DIAPH2: variants seen among roughly 807,000 people sequenced by gnomAD.
DIAPH2 encodes diaphanous related formin 2.
DIAPH2 carries 35 observed loss-of-function variants against 92.7 expected under a neutral mutation model. The ratio of observed to expected loss-of-function variants is 0.38; its 90% CI spans 0.29 to 0.50. DIAPH2 has a LOEUF of 0.50. Among genes scored for constraint, DIAPH2 ranks in the 20% least tolerant of loss-of-function variants. The pLI is 0.94. For missense variants in DIAPH2, 701 were observed against 819.5 expected (o/e 0.86, Z 1.77); for synonymous variants, 301 against 280.4 (o/e 1.07, Z -0.73).
At chrX:97,165,524 C>T (rs948862288) in intron 22 of DIAPH2, among the ~76,000 whole-genome samples, 1 of 111,116 alleles carries the variant, frequency 9.0e-6, no homozygotes, top group African/African-American at 3.3e-5. Flanking sequence ...GACAGAGTCT[C>T]GCTCTGTCAC....
chrX:96,958,621 C>G (rs1423264044), intron 16 of DIAPH2, among the ~76,000 whole-genome samples: 1 of 111,425 alleles, frequency 9.0e-6, no homozygotes, highest in Non-Finnish European at 1.9e-5. Flanking sequence ...AAATATACAA[C>G]ATATTGTTAA....
intron 26 of DIAPH2, among the ~76,000 whole-genome samples, chrX:97,595,083 A>G (rs1228358088): frequency 8.9e-6 from 1 of 112,045 alleles, no homozygotes; most frequent in Non-Finnish European, 1.9e-5. Flanking sequence ...CCTCCAGTCT[A>G]TCTCATGTCA....
At chrX:96,758,851 A>G (rs2064249029) in intron 4 of DIAPH2, among the ~76,000 whole-genome samples, 1 of 111,498 alleles carries the variant, frequency 9.0e-6, no homozygotes, top group South Asian at 3.7e-4. Flanking sequence ...AAGTTCATTG[A>G]AAGGACTTGT....
At chrX:97,397,567 G>A (rs999408522) in intron 25 of DIAPH2, among the ~76,000 whole-genome samples, 2 of 111,971 alleles carry the variant, frequency 1.8e-5, no homozygotes, top group African/African-American at 6.5e-5. Context: ...TTACATCCGT[G>A]TGGTTCTGTG....
intron 24 of DIAPH2, among the ~76,000 whole-genome samples, chrX:97,374,956 A>G (rs1033516650): frequency 8.9e-6 from 1 of 111,916 alleles, no homozygotes; most frequent in African/African-American, 3.3e-5. Flanking sequence ...TGATGTGATC[A>G]TTCTCAAATG....
intron 24 of DIAPH2, among the ~76,000 whole-genome samples, chrX:97,353,093 C>T (rs967102726): frequency 1.0e-4 from 11 of 109,622 alleles, no homozygotes; most frequent in Non-Finnish European, 1.9e-4. Context: ...TCTGACTTGA[C>T]GACTGTGCAA....
chrX:97,299,605 A>G (rs2068676788), intron 23 of DIAPH2, among the ~76,000 whole-genome samples: 1 of 112,357 alleles, frequency 8.9e-6, no homozygotes, highest in Non-Finnish European at 1.9e-5. Flanking sequence ...AAGATCTTGA[A>G]CCTCAGACAT....
intron 22 of DIAPH2, among the ~76,000 whole-genome samples, chrX:97,194,363 G>C (rs1175340584): frequency 9.4e-6 from 1 of 106,049 alleles, no homozygotes; most frequent in African/African-American, 3.4e-5. Context: ...CTCACTGCAC[G>C]CTCCGCCTCC....
rs189878976 is a variant in DIAPH2 at position 97,008,843 on chromosome X, G to A, written c.2050+43636G>A. Among the ~76,000 whole-genome samples the A allele has an allele frequency of 5.4e-5, 6 of 111,434 alleles. No homozygotes were observed. In the Admixed American group the frequency reaches 5.7e-4, roughly 11 times the overall value. ...GGGGTGATGTAAATGCTCCTGTGGCGACCACCACTGGGACTGCGCTGGGTC... is the reference window on the plus strand; with the variant it reads ...GGGGTGATGTAAATGCTCCTGTGGCAACCACCACTGGGACTGCGCTGGGTC... On this transcript the variant is annotated intron_variant, in intron 17 of 26. Coordinates refer to ENST00000324765, the MANE Select transcript of DIAPH2 (RefSeq NM_006729.5).
rs375351595 is a variant in DIAPH2, at chrX:97,099,308, G to C, written c.2248-386G>C. ...ATGAACCTGGGAGGCGGAGCTTGCA[G>C]TGAGCCGAGATCGCGCCACTGCACT... On this transcript the variant is annotated intron_variant, in intron 19 of 26. Transcript: ENST00000324765. Among the ~76,000 whole-genome samples, 1,021 of 110,095 alleles carry C rather than the reference G, an allele frequency of 9.3e-3. 8 individuals carry two copies. Among genetic ancestry groups the C allele is most frequent in the African/African-American group, 0.032 (970 of 30,262 alleles).
chrX:97,288,728 G>A lies in DIAPH2; in HGVS notation c.2844+40889G>A, dbSNP rs1188352971. ...TGCACTCCAGCCTGGGTGACAGCGC[G>A]AGACTCTGTCTCAAAAAAAAAAAAA... On this transcript the variant is annotated intron_variant, in intron 23 of 26. Transcript: ENST00000324765. Among the ~76,000 whole-genome samples the A allele has an allele frequency of 3.0e-5, 3 of 99,769 alleles. No homozygotes were observed. The South Asian group carries it at 1.5e-3, about 49-fold the overall frequency. 86.6% of individuals were successfully genotyped at this position (99,769 alleles called of 115,157 possible).
chrX:97,348,091 G>A (rs772650870), intron 23 of DIAPH2, 25 bp from the exon 24 acceptor site: 11 of 1,203,813 alleles, frequency 9.1e-6, no homozygotes, highest in Non-Finnish European at 1.2e-5. Flanking sequence ...GTACTGTTGA[G>A]CCATGTTCCT....
At chrX:97,325,053 G>A (rs912962000) in intron 23 of DIAPH2, among the ~76,000 whole-genome samples, 5 of 112,054 alleles carry the variant, frequency 4.5e-5, no homozygotes, top group African/African-American at 1.6e-4. Context: ...GCCCACCTCG[G>A]CATCCCAAAG....
intron 4 of DIAPH2, among the ~76,000 whole-genome samples, chrX:96,833,769 T>G (rs2064870631): frequency 9.0e-6 from 1 of 110,854 alleles, no homozygotes; most frequent in Non-Finnish European, 1.9e-5. Flanking sequence ...CAAGTGATTC[T>G]CTTGCCTCAG....
chrX:96,723,846 C>A (rs1314260007), intron 1 of DIAPH2, among the ~76,000 whole-genome samples: 1 of 109,171 alleles, frequency 9.2e-6, no homozygotes, highest in Non-Finnish European at 1.9e-5. Context: ...AAAAACTTGG[C>A]TATGATTATG....
At chrX:97,410,822 T>G (rs2069863074) in intron 25 of DIAPH2, among the ~76,000 whole-genome samples, 1 of 111,645 alleles carries the variant, frequency 9.0e-6, no homozygotes, top group Non-Finnish European at 1.9e-5. Context: ...AAGATCAAAT[T>G]AATGAAATAA....
At chrX:96,961,397 CTTTCT>C (rs1442380366) in intron 16 of DIAPH2, among the ~76,000 whole-genome samples, 60 of 89,724 alleles carry the variant, frequency 6.7e-4, no homozygotes, top group Non-Finnish European at 8.6e-4. Flanking sequence ...TTATTTAGGT[CTTTCT>C]TTTTTTTTTT....
At chrX:97,303,563 G>C (rs921472849) in intron 23 of DIAPH2, among the ~76,000 whole-genome samples, 1 of 111,275 alleles carries the variant, frequency 9.0e-6, no homozygotes, top group South Asian at 3.8e-4. Context: ...TTTATTTATT[G>C]AGTTTAGTGC....
intron 19 of DIAPH2, among the ~76,000 whole-genome samples, chrX:97,098,829 A>T (rs2066886777): frequency 8.8e-6 from 1 of 113,045 alleles, no homozygotes. Flanking sequence ...CACGTTGAGG[A>T]TTAGATTTCA....
Sources: gnomAD v4.1 joint callset for allele counts (sites outside exome capture counted in the v4.1 genomes callset) on GRCh38, gnomAD v4.1.1 for gene constraint, MANE v1.5 for transcripts, NCBI Gene and HGNC (gene_info 2026-07-23, HGNC 2026-07-21) for gene names.